Variants in SPATA17 observed in about 807,000 individuals in gnomAD.
The protein encoded by SPATA17 is spermatogenesis associated 17, also known as spermatogenesis-associated protein 17.
SPATA17 carries 53 observed loss-of-function variants against 62.2 expected under a neutral mutation model. The ratio of observed to expected loss-of-function variants is 0.85; its 90% CI spans 0.68 to 1.07. The LOEUF (loss-of-function observed/expected upper bound fraction) is 1.07. Among genes scored for constraint, SPATA17 ranks in the 50% least tolerant of loss-of-function variants. The pLI is 0.00. For missense variants in SPATA17, 466 were observed against 425.5 expected (o/e 1.10, Z -0.84); for synonymous variants, 146 against 146.8 (o/e 0.99, Z 0.04).
chr1:217,825,256 T>C (rs1674964422), intron 9 of SPATA17, among the ~76,000 whole-genome samples: 1 of 151,762 alleles, frequency 6.6e-6, no homozygotes, highest in African/African-American at 2.4e-5. Flanking sequence ...GCCAAAAGAA[T>C]TCAGAAGAAT....
chr1:217,839,760 T>A (rs575105583), intron 9 of SPATA17, among the ~76,000 whole-genome samples: 1 of 152,118 alleles, frequency 6.6e-6, no homozygotes, highest in African/African-American at 2.4e-5. Flanking sequence ...TAGTTGGTGG[T>A]TAGGTGACTA....
intron 6 of SPATA17, among the ~76,000 whole-genome samples, chr1:217,753,721 C>T (rs1558036543): frequency 6.6e-6 from 1 of 151,616 alleles, no homozygotes; most frequent in African/African-American, 2.4e-5. Context: ...CAAATACAAA[C>T]ATATATAAAA....
chr1:217,657,720 C>G (rs557511418), intron 3 of SPATA17, among the ~76,000 whole-genome samples: 2 of 152,316 alleles, frequency 1.3e-5, no homozygotes, highest in East Asian at 3.9e-4. Context: ...AGAACCTCCT[C>G]TAACTAAAAT....
intron 9 of SPATA17, among the ~76,000 whole-genome samples, chr1:217,826,030 G>T (rs1171446041): frequency 2.0e-5 from 3 of 151,832 alleles, no homozygotes; most frequent in African/African-American, 7.3e-5. Context: ...ATGTATTTTT[G>T]TTACTATATG....
intron 1 of SPATA17, among the ~76,000 whole-genome samples, chr1:217,641,824 A>C (rs1450290190): frequency 6.6e-6 from 1 of 152,158 alleles, no homozygotes; most frequent in Non-Finnish European, 1.5e-5. Flanking sequence ...TAACATTGGC[A>C]CATTTCTACC....
chr1:217,648,443 T>C (rs1195143017), intron 1 of SPATA17, among the ~76,000 whole-genome samples: 2 of 152,218 alleles, frequency 1.3e-5, no homozygotes, highest in Non-Finnish European at 2.9e-5. Context: ...GATGGGTTCA[T>C]TTAACTTAGA....
intron 9 of SPATA17, among the ~76,000 whole-genome samples, chr1:217,840,541 C>T (rs189665917): frequency 1.3e-5 from 2 of 149,536 alleles, no homozygotes; most frequent in East Asian, 2.0e-4. Flanking sequence ...TAGTGTAGAT[C>T]AGCTTCTAAG....
intron 7 of SPATA17, chr1:217,781,372 G>GA (rs1673722714): frequency 6.6e-6 from 1 of 152,126 alleles, no homozygotes; most frequent in South Asian, 2.1e-4. Flanking sequence ...CGACAGTGAT[G>GA]AAAAAAACCA....
At chr1:217,683,397 T>A in intron 5 of SPATA17, 36 bp downstream of exon 5, 1 of 1,313,780 alleles carries the variant, frequency 7.6e-7, no homozygotes, top group Non-Finnish European at 1.1e-6. Context: ...TAGGGAAAAC[T>A]TTGGAAAGAT....
At chr1:217,790,121 G>C (rs1673963840) in intron 8 of SPATA17, among the ~76,000 whole-genome samples, 1 of 152,140 alleles carries the variant, frequency 6.6e-6, no homozygotes, top group African/African-American at 2.4e-5. Context: ...CCCTTACGAA[G>C]TAACTTACAA....
chr1:217,642,667 C>T (rs1005226112), intron 1 of SPATA17, among the ~76,000 whole-genome samples: 11 of 152,152 alleles, frequency 7.2e-5, no homozygotes, highest in Admixed American at 7.2e-4. Flanking sequence ...TGAGTCCTCA[C>T]CAGATCTGAT....
intron 9 of SPATA17, chr1:217,850,420 C>T (rs534966364): frequency 3.1e-5 from 39 of 1,263,890 alleles, no homozygotes; most frequent in African/African-American, 4.4e-5. Flanking sequence ...ACATCTCAGA[C>T]GCTGGACCAG....
At chr1:217,778,318 C>T (rs952853129) in intron 7 of SPATA17, among the ~76,000 whole-genome samples, 1 of 152,002 alleles carries the variant, frequency 6.6e-6, no homozygotes, top group Non-Finnish European at 1.5e-5. Context: ...GTCAGGAGTT[C>T]GAGACCAGAC....
At chr1:217,860,639 G>T (rs980321632) in intron 9 of SPATA17, among the ~76,000 whole-genome samples, 23 of 151,780 alleles carry the variant, frequency 1.5e-4, no homozygotes, top group African/African-American at 4.1e-4. Flanking sequence ...AATCTATTTT[G>T]TCTGAAATTA....
intron 6 of SPATA17, among the ~76,000 whole-genome samples, chr1:217,765,699 T>G (rs973588101): frequency 6.6e-6 from 1 of 152,060 alleles, no homozygotes; most frequent in African/African-American, 2.4e-5. Context: ...ATGTGAGTGT[T>G]TAGGTGAGTA....
At chr1:217,776,384 G>A (rs533438158) in intron 7 of SPATA17, among the ~76,000 whole-genome samples, 7 of 152,234 alleles carry the variant, frequency 4.6e-5, no homozygotes, top group South Asian at 2.1e-4. Flanking sequence ...CTGAATAGGC[G>A]TGCCCTTGTG....
intron 5 of SPATA17, among the ~76,000 whole-genome samples, chr1:217,725,470 A>C (rs959451460): frequency 6.6e-6 from 1 of 152,038 alleles, no homozygotes; most frequent in African/African-American, 2.4e-5. Context: ...TAATTAATTT[A>C]TTTATTTTTA....
chr1:217,744,509 A>G (rs1326150391), intron 6 of SPATA17, among the ~76,000 whole-genome samples: 1 of 151,926 alleles, frequency 6.6e-6, no homozygotes, highest in Non-Finnish European at 1.5e-5. Context: ...CCTGACTAAA[A>G]CACTTGAATC....
chr1:217,744,147 T>A (rs966210776), intron 6 of SPATA17, among the ~76,000 whole-genome samples: 1 of 152,120 alleles, frequency 6.6e-6, no homozygotes, highest in African/African-American at 2.4e-5. Context: ...ATTTCATTTT[T>A]AAAATTAAGC....
Sources: gnomAD v4.1 joint callset for allele counts (sites outside exome capture counted in the v4.1 genomes callset) on GRCh38, gnomAD v4.1.1 for gene constraint, MANE v1.5 for transcripts, NCBI Gene and HGNC (gene_info 2026-07-23, HGNC 2026-07-21) for gene names.